PCDH15: variants seen among roughly 807,000 people sequenced by gnomAD.
PCDH15 encodes the protein protocadherin-15.
PCDH15 carries 129 observed loss-of-function variants against 178.5 expected under a neutral mutation model. The observed-to-expected ratio is 0.72, with a 90% CI of 0.63 to 0.84. The LOEUF (loss-of-function observed/expected upper bound fraction) is 0.84, where lower values mean the gene tolerates loss of function less well. PCDH15 is among the 40% of genes least tolerant of loss of function. The pLI is 0.00. For missense variants in PCDH15, 2,230 were observed against 2,099.9 expected, an observed-to-expected ratio of 1.06 and a Z score of -1.21; for synonymous variants, 800 against 732.0, an observed-to-expected ratio of 1.09 and a Z score of -1.50.
intron 3 of PCDH15, among the ~76,000 whole-genome samples, chr10:54,876,198 T>C (rs1954140184): frequency 1.3e-5 from 2 of 152,138 alleles, no homozygotes; most frequent in Non-Finnish European, 2.9e-5. Flanking sequence ...TTCCACAGCA[T>C]GGTTTACTGA....
chr10:55,626,567 C>T (rs1837534503), intron 2 of PCDH15, among the ~76,000 whole-genome samples: 3 of 152,182 alleles, frequency 2.0e-5, no homozygotes, highest in Admixed American at 2.0e-4. Flanking sequence ...TAACTTGCCG[C>T]TCTCTTTACA....
chr10:53,888,036 T>C (rs1348971132), intron 26 of PCDH15, among the ~76,000 whole-genome samples: 1 of 151,878 alleles, frequency 6.6e-6, no homozygotes, highest in Non-Finnish European at 1.5e-5. Flanking sequence ...TACTCCTTAA[T>C]TTGGCAGTGC....
Position 53,951,373 on chromosome 10 carries a change from G to A in PCDH15, c.3122+8359C>T, listed in dbSNP as rs992850184. 5.9e-5 allele frequency among the ~76,000 whole-genome samples: 9 copies of A among 151,422 alleles called. No homozygotes were observed. In the East Asian group the frequency reaches 1.4e-3, roughly 23 times the overall value. On this transcript the variant is annotated intron_variant, in intron 23 of 37. Coordinates refer to ENST00000644397, the MANE Select transcript of PCDH15 (RefSeq NM_001384140.1). ...GAGATAATTTTGAGAAAGAGAGGTG[G>A]AGGATGTTTCAACAATAAAGAATGA... is the stretch of plus-strand genomic sequence containing the variant.
At chr10:54,465,816 A>T (rs2077479958) in intron 3 of PCDH15, among the ~76,000 whole-genome samples, 1 of 152,006 alleles carries the variant, frequency 6.6e-6, no homozygotes, top group Non-Finnish European at 1.5e-5. Context: ...AGAAATCCTC[A>T]TACTGTTTTC....
intron 28 of PCDH15, among the ~76,000 whole-genome samples, chr10:53,850,359 G>A (rs925269737): frequency 6.6e-6 from 1 of 151,834 alleles, no homozygotes; most frequent in Non-Finnish European, 1.5e-5. Flanking sequence ...TGCATATTGG[G>A]GTATCTTCAG....
At chr10:54,891,280 A>G (rs1954457055) in intron 3 of PCDH15, among the ~76,000 whole-genome samples, 1 of 152,118 alleles carries the variant, frequency 6.6e-6, no homozygotes, top group Non-Finnish European at 1.5e-5. Flanking sequence ...GGCAAATTCT[A>G]TCTTCTAACA....
chr10:55,496,195 A>G (rs117964849), intron 2 of PCDH15, among the ~76,000 whole-genome samples: 1 of 152,022 alleles, frequency 6.6e-6, no homozygotes, highest in Non-Finnish European at 1.5e-5. Context: ...ATAAAACTTA[A>G]AGACATAAAT....
chr10:53,880,790 G>T (rs970576207), intron 26 of PCDH15, among the ~76,000 whole-genome samples: 3 of 152,036 alleles, frequency 2.0e-5, no homozygotes, highest in African/African-American at 7.2e-5. Context: ...GACACTAATT[G>T]TAAAGAAGAC....
At chr10:54,620,240 T>C (rs1269492376) in intron 2 of PCDH15, among the ~76,000 whole-genome samples, 34 of 152,074 alleles carry the variant, frequency 2.2e-4, no homozygotes, top group African/African-American at 7.9e-4. Flanking sequence ...AAAATAATAC[T>C]GTGAACCCAT....
chr10:55,596,744 T>C (rs1842942693), intron 2 of PCDH15, among the ~76,000 whole-genome samples: 1 of 152,152 alleles, frequency 6.6e-6, no homozygotes, highest in Admixed American at 6.6e-5. Context: ...AGTAATAGTA[T>C]GACATTATGC....
At chr10:54,896,074 A>G (rs1954539822) in intron 3 of PCDH15, among the ~76,000 whole-genome samples, 1 of 152,000 alleles carries the variant, frequency 6.6e-6, no homozygotes, top group Non-Finnish European at 1.5e-5. Flanking sequence ...TTTAATAGAG[A>G]CAGGGTTTCA....
chr10:54,692,586 A>G (rs2095141378), intron 1 of PCDH15, among the ~76,000 whole-genome samples: 1 of 150,798 alleles, frequency 6.6e-6, no homozygotes. Context: ...TCACAAATAA[A>G]AATCGGTTAG....
At chr10:53,965,160 T>G (rs974624147) in intron 21 of PCDH15, among the ~76,000 whole-genome samples, 13 of 151,724 alleles carry the variant, frequency 8.6e-5, no homozygotes, top group African/African-American at 2.9e-4. Context: ...CAGGTTCAAG[T>G]GATTCTCCTG....
chr10:53,864,910 G>A (rs1286626473), intron 27 of PCDH15, among the ~76,000 whole-genome samples: 4 of 151,990 alleles, frequency 2.6e-5, no homozygotes, highest in Non-Finnish European at 2.9e-5. Flanking sequence ...AAACACCAAC[G>A]ACATGGACAA....
chr10:53,951,081 T>A (rs565529303), intron 23 of PCDH15, among the ~76,000 whole-genome samples: 1 of 152,318 alleles, frequency 6.6e-6, no homozygotes, highest in East Asian at 1.9e-4. Flanking sequence ...ATCTCTATAG[T>A]CTATTTCATT....
chr10:55,170,897 A>T (rs987141822), intron 1 of PCDH15, among the ~76,000 whole-genome samples: 1 of 152,168 alleles, frequency 6.6e-6, no homozygotes, highest in African/African-American at 2.4e-5. Flanking sequence ...AAAGAAAAAA[A>T]GAAAAAGAAA....
chr10:54,544,426 C>A (rs1486720229), intron 2 of PCDH15, among the ~76,000 whole-genome samples: 2 of 151,752 alleles, frequency 1.3e-5, no homozygotes, highest in Non-Finnish European at 1.5e-5. Context: ...GTTTGTTATC[C>A]ACATGTATAA....
intron 15 of PCDH15, among the ~76,000 whole-genome samples, chr10:54,116,914 A>C (rs1385558004): frequency 6.6e-6 from 1 of 152,136 alleles, no homozygotes; most frequent in Non-Finnish European, 1.5e-5. Context: ...AACTTTAAGA[A>C]GCACTGATCT....
chr10:54,698,840 A>G (rs1565974318), intron 1 of PCDH15, among the ~76,000 whole-genome samples: 1 of 152,100 alleles, frequency 6.6e-6, no homozygotes, highest in Non-Finnish European at 1.5e-5. Context: ...TTTAGAAGGC[A>G]CCATTTTTTA....
Sources: gnomAD v4.1 joint callset for allele counts (sites outside exome capture counted in the v4.1 genomes callset) on GRCh38, gnomAD v4.1.1 for gene constraint, MANE v1.5 for transcripts, NCBI Gene and HGNC (gene_info 2026-07-23, HGNC 2026-07-21) for gene names.